ADAMTS2: variants seen among roughly 807,000 people sequenced by gnomAD.
The protein encoded by ADAMTS2 is A disintegrin and metalloproteinase with thrombospondin motifs 2.
In ADAMTS2, 50 loss-of-function variants were observed where a neutral mutation model predicts 123.0. The ratio of observed to expected loss-of-function variants is 0.41; its 90% CI spans 0.32 to 0.51. The LOEUF (loss-of-function observed/expected upper bound fraction) is 0.51, where lower values mean the gene tolerates loss of function less well. Ranked by LOEUF, ADAMTS2 falls within the 20% of genes least tolerant of loss-of-function variation. The pLI is 0.35. For synonymous variants in ADAMTS2, 678 were observed against 695.4 expected (o/e 0.98, Z 0.39); for missense variants, 1,494 against 1,705.2 (o/e 0.88, Z 2.18).
At chr5:179,196,306 G>T (rs781107860) in intron 4 of ADAMTS2, among the ~76,000 whole-genome samples, 1 of 152,194 alleles carries the variant, frequency 6.6e-6, no homozygotes, top group Non-Finnish European at 1.5e-5. Flanking sequence ...TGCTGGGAGG[G>T]GTCAAAGGTT....
At chr5:179,315,449 C>T (rs1372316290) in intron 2 of ADAMTS2, among the ~76,000 whole-genome samples, 2 of 152,228 alleles carry the variant, frequency 1.3e-5, no homozygotes, top group Non-Finnish European at 2.9e-5. Context: ...GGAAACAGAG[C>T]TTGGGTGGGA....
intron 5 of ADAMTS2, among the ~76,000 whole-genome samples, chr5:179,165,193 C>A (rs1240399182): frequency 2.0e-5 from 3 of 152,202 alleles, no homozygotes; most frequent in Non-Finnish European, 2.9e-5. Flanking sequence ...GCTCCTCTGC[C>A]ACCTGGCCTG....
At chr5:179,207,115 T>A (rs1258273563) in intron 4 of ADAMTS2, among the ~76,000 whole-genome samples, 1 of 152,224 alleles carries the variant, frequency 6.6e-6, no homozygotes, top group East Asian at 1.9e-4. Context: ...TATGTCTTAC[T>A]ATTATATTAG....
intron 4 of ADAMTS2, among the ~76,000 whole-genome samples, chr5:179,192,181 C>T (rs995432003): frequency 1.3e-5 from 2 of 152,192 alleles, no homozygotes; most frequent in East Asian, 3.9e-4. Context: ...CAGAGGGCTG[C>T]AGGCCATCAC....
At chr5:179,273,252 C>T (rs576558769) in intron 2 of ADAMTS2, among the ~76,000 whole-genome samples, 188 bp from the exon 3 acceptor site, 3 of 152,266 alleles carry the variant, frequency 2.0e-5, no homozygotes, top group East Asian at 1.9e-4. Context: ...CGCCCCCCGC[C>T]GCCCACCCTG....
Position 179,345,073 on chromosome 5 carries a change from G to A in ADAMTS2, c.139+117C>T. ...AGTTGGCCAACTTGGCCCCGGGCGG[G>A]GCGCGCGGAGTTTGCCCAAGTCAGG... is the stretch of plus-strand genomic sequence containing the variant. On this transcript the variant is annotated intron_variant, in intron 1 of 21. Coordinates refer to ENST00000251582, the MANE Select transcript of ADAMTS2 (RefSeq NM_014244.5). This position sits in a 1 kb window ranked among gnomAD's most constrained non-coding sequence, Gnocchi z 7.5. The A allele has an allele frequency of 1.2e-6, 1 of 815,650 alleles. No individual in the cohort carries two copies. Among genetic ancestry groups the A allele is most frequent in the Non-Finnish European group, 1.5e-6 (1 of 663,770 alleles). 50.5% of individuals were successfully genotyped at this position (815,650 alleles called of 1,614,324 possible).
chr5:179,311,926 T>C (rs1756844848), intron 2 of ADAMTS2, among the ~76,000 whole-genome samples: 1 of 152,190 alleles, frequency 6.6e-6, no homozygotes, highest in Non-Finnish European at 1.5e-5. Context: ...TTGAATCATT[T>C]TTCATTTAAC....
At chr5:179,238,285 C>T (rs781013491) in intron 3 of ADAMTS2, among the ~76,000 whole-genome samples, 4 of 152,192 alleles carry the variant, frequency 2.6e-5, no homozygotes, top group Non-Finnish European at 5.9e-5. Context: ...TGGGTGTCCA[C>T]GGATTCACCC....
At chr5:179,328,466 G>A (rs1757371864) in intron 2 of ADAMTS2, among the ~76,000 whole-genome samples, 1 of 152,272 alleles carries the variant, frequency 6.6e-6, no homozygotes, top group African/African-American at 2.4e-5. Context: ...AGCAGGGGCT[G>A]TTGCCAGGAA....
intron 2 of ADAMTS2, among the ~76,000 whole-genome samples, chr5:179,279,777 G>A (rs1165195441): frequency 6.6e-6 from 1 of 152,218 alleles, no homozygotes; most frequent in Non-Finnish European, 1.5e-5. Context: ...GTATCGAGTG[G>A]GATTTGAGCC....
Position 179,285,914 on chromosome 5 carries a change from T to C in ADAMTS2, c.535-12850A>G, listed in dbSNP as rs114732867. The stretch of plus-strand genomic sequence containing the variant: ...CATGGAATAAGGTCCAACTTCCCCA[T>C]TCAAGATCCTGCCAACAGGCCGGGC... On this transcript the variant is annotated intron_variant, in intron 2 of 21. Transcript: ENST00000251582. This position sits in a 1 kb window ranked among gnomAD's most constrained non-coding sequence, Gnocchi z 4.9. 0.011 allele frequency among the ~76,000 whole-genome samples: 1,749 copies of C among 152,188 alleles called. 21 individuals are homozygous for C. The highest frequency in any genetic ancestry group is 0.019 in the Non-Finnish European group (1,287 of 67,992).
intron 3 of ADAMTS2, among the ~76,000 whole-genome samples, chr5:179,265,809 C>G (rs1766353809): frequency 6.6e-6 from 1 of 152,268 alleles, no homozygotes. Flanking sequence ...AGGGTGCGCT[C>G]AGCCCTGAAG....
At position 179,137,715 on chromosome 5, in the gene ADAMTS2, C is replaced by A; in HGVS notation, c.1951+54G>T. 3 of 1,450,206 alleles carry A rather than the reference C, an allele frequency of 2.1e-6. No homozygotes were observed. The South Asian group carries it at 3.6e-5, about 18-fold the overall frequency. 89.8% of individuals were successfully genotyped at this position (1,450,206 alleles called of 1,614,324 possible). ...TCAGAGGCACAAGCCCCCACCCTGC[C>A]CACCCTAGGGCCTGCCTGCTGAGCC... On this transcript the variant is annotated intron_variant, in intron 12 of 21. Coordinates refer to ENST00000251582, the MANE Select transcript of ADAMTS2 (RefSeq NM_014244.5).
rs755866877 is a variant in ADAMTS2 at position 179,228,774 on chromosome 5, G to A, written c.689-21059C>T. ...TCCTGTGGGGCTCCAGACCCGGGGCGGTGCCTTCACCACGGCCTCCTCATC... is the reference window on the plus strand; with the variant it reads ...TCCTGTGGGGCTCCAGACCCGGGGCAGTGCCTTCACCACGGCCTCCTCATC... On this transcript the variant is annotated intron_variant, in intron 3 of 21. Transcript: ENST00000251582. This position sits in a 1 kb window ranked among gnomAD's most constrained non-coding sequence, Gnocchi z 5.2. Among the ~76,000 whole-genome samples, 3 of 152,232 alleles carry A rather than the reference G, an allele frequency of 2.0e-5. No homozygotes were observed. The highest frequency in any genetic ancestry group is 4.1e-4 in the South Asian group (2 of 4,836).
At position 179,262,289 on chromosome 5, in the gene ADAMTS2, G is replaced by A. The variant is rs1264753985; in HGVS notation, c.688+10622C>T. Among the ~76,000 whole-genome samples, 4 of 151,996 alleles carry A rather than the reference G, an allele frequency of 2.6e-5. No individual in the cohort carries two copies. Among genetic ancestry groups the A allele is most frequent in the Non-Finnish European group, 5.9e-5 (4 of 67,990 alleles). Reference sequence around the variant, plus strand: ...CAGCCACGTGACCTCTCAGGGGCAGGATGTGTCCTTGATTCCTTCCTTCAC... The same window carrying A: ...CAGCCACGTGACCTCTCAGGGGCAGAATGTGTCCTTGATTCCTTCCTTCAC... On this transcript the variant is annotated intron_variant, in intron 3 of 21. Coordinates refer to ENST00000251582, the MANE Select transcript of ADAMTS2 (RefSeq NM_014244.5). The surrounding 1 kb of genome is among the most constrained non-coding windows in gnomAD (Gnocchi z 5.9).
In ADAMTS2 at chr5:179,260,820, C is replaced by T. The variant is rs759640279; in HGVS notation, c.688+12091G>A. The stretch of plus-strand genomic sequence containing the variant: ...GTCAACGGTAAGTGCTCCAGGAACG[C>T]GTCACGTTCTTCTTGCTCCCTGCTG... On this transcript the variant is annotated intron_variant, in intron 3 of 21. Coordinates refer to ENST00000251582, the MANE Select transcript of ADAMTS2 (RefSeq NM_014244.5). The surrounding 1 kb of genome is among the most constrained non-coding windows in gnomAD (Gnocchi z 4.2). Among the ~76,000 whole-genome samples, 18 of 152,320 alleles carry T rather than the reference C, an allele frequency of 1.2e-4. No individual in the cohort carries two copies. Among genetic ancestry groups the T allele is most frequent in the Non-Finnish European group, 2.5e-4 (17 of 68,034 alleles).
chr5:179,280,888 C>T (rs1012143296), intron 2 of ADAMTS2, among the ~76,000 whole-genome samples: 3 of 151,936 alleles, frequency 2.0e-5, no homozygotes, highest in East Asian at 1.9e-4. Flanking sequence ...GACAGAGTCT[C>T]GCTCTGTCAC....
chr5:179,310,168 C>T (rs780990823), intron 2 of ADAMTS2, among the ~76,000 whole-genome samples: 1 of 152,258 alleles, frequency 6.6e-6, no homozygotes, highest in Non-Finnish European at 1.5e-5. Flanking sequence ...CATGTCCCCA[C>T]AGCGCTCAGG....
intron 2 of ADAMTS2, among the ~76,000 whole-genome samples, chr5:179,273,527 CAT>C (rs987519250): frequency 1.1e-4 from 17 of 152,188 alleles, no homozygotes; most frequent in Admixed American, 3.9e-4. Flanking sequence ...TGCCCACACA[CAT>C]GTTCCATCTG....
Sources: gnomAD v4.1 joint callset for allele counts (sites outside exome capture counted in the v4.1 genomes callset) on GRCh38, gnomAD v4.1.1 for gene constraint, Gnocchi (gnomAD v3.1) non-coding constraint, MANE v1.5 for transcripts, NCBI Gene and HGNC (gene_info 2026-07-23, HGNC 2026-07-21) for gene names.